Variants in MECOM observed in about 807,000 individuals in gnomAD.
The protein encoded by MECOM is histone-lysine N-methyltransferase MECOM.
A neutral mutation model predicts 116.3 loss-of-function variants in MECOM; 13 were observed. The observed-to-expected ratio is 0.11, with a 90% CI of 0.07 to 0.18. MECOM has a LOEUF of 0.18. MECOM is among the 10% of genes least tolerant of loss of function. The pLI, the probability that MECOM is intolerant of heterozygous loss-of-function variation, is 1.00. For missense variants in MECOM, 1,299 were observed against 1,509.0 expected (o/e 0.86, Z 2.31); for synonymous variants, 528 against 535.2 (o/e 0.99, Z 0.19).
At chr3:169,336,128 C>A (rs1439171358) in intron 2 of MECOM, among the ~76,000 whole-genome samples, 5 of 152,014 alleles carry the variant, frequency 3.3e-5, no homozygotes, top group African/African-American at 1.2e-4. Flanking sequence ...CCCACTTGGA[C>A]TCTTTACTCT....
chr3:169,373,737 C>A (rs958697109), intron 2 of MECOM, among the ~76,000 whole-genome samples: 1 of 151,786 alleles, frequency 6.6e-6, no homozygotes, highest in African/African-American at 2.4e-5. Flanking sequence ...GAGTAGTTTC[C>A]CTAGAATCAC....
intron 2 of MECOM, among the ~76,000 whole-genome samples, chr3:169,280,762 T>C (rs1711775854): frequency 1.3e-5 from 2 of 152,122 alleles, no homozygotes; most frequent in South Asian, 4.1e-4. Flanking sequence ...CATAATGACA[T>C]TGTATTTTAG....
intron 2 of MECOM, among the ~76,000 whole-genome samples, chr3:169,361,680 A>C (rs1227777775): frequency 6.6e-6 from 1 of 151,912 alleles, no homozygotes; most frequent in Admixed American, 6.6e-5. Context: ...TTAAGGTCAC[A>C]AAGCTAGTCA....
chr3:169,435,691 C>A (rs374699187), intron 1 of MECOM, among the ~76,000 whole-genome samples: 1 of 152,064 alleles, frequency 6.6e-6, no homozygotes, highest in African/African-American at 2.4e-5. Context: ...ATTAGAGGGC[C>A]AAAACTAGTG....
intron 1 of MECOM, among the ~76,000 whole-genome samples, chr3:169,420,791 A>G (rs1739590088): frequency 6.6e-6 from 1 of 152,160 alleles, no homozygotes; most frequent in African/African-American, 2.4e-5. Context: ...TTAATATAGG[A>G]TGGTCACTAA....
intron 1 of MECOM, among the ~76,000 whole-genome samples, chr3:169,526,453 A>T (rs1757979463): frequency 6.6e-6 from 1 of 152,202 alleles, no homozygotes; most frequent in Admixed American, 6.5e-5. Context: ...CTGTCCACTG[A>T]TTCATAAACC....
At chr3:169,497,669 C>A (rs565358711) in intron 1 of MECOM, among the ~76,000 whole-genome samples, 28 of 152,270 alleles carry the variant, frequency 1.8e-4, no homozygotes, top group Admixed American at 1.3e-3. Context: ...GTTTTTCTCT[C>A]TTGTAATTCA....
intron 2 of MECOM, among the ~76,000 whole-genome samples, chr3:169,211,922 C>T (rs1464019549): frequency 2.0e-5 from 3 of 152,096 alleles, no homozygotes; most frequent in African/African-American, 7.2e-5. Context: ...CTGCACACTC[C>T]TCACCAACAC....
At chr3:169,171,095 C>A (rs895909139) in intron 2 of MECOM, among the ~76,000 whole-genome samples, 4 of 152,104 alleles carry the variant, frequency 2.6e-5, no homozygotes, top group African/African-American at 9.7e-5. Flanking sequence ...AAGAATATTT[C>A]TCTTCTCTAA....
chr3:169,498,878 G>A (rs1057014101), intron 1 of MECOM, among the ~76,000 whole-genome samples: 1 of 151,938 alleles, frequency 6.6e-6, no homozygotes, highest in Non-Finnish European at 1.5e-5. Flanking sequence ...CAAAAGTAGG[G>A]CTATAGAAAA....
chr3:169,609,014 A>G (rs1259965952), intron 1 of MECOM, among the ~76,000 whole-genome samples: 3 of 152,160 alleles, frequency 2.0e-5, no homozygotes, highest in African/African-American at 7.2e-5. Context: ...GTTGCACTAT[A>G]TTAAGTTCAT....
intron 2 of MECOM, among the ~76,000 whole-genome samples, chr3:169,191,736 GAAAGAGAAAGAAAGAA>G (rs1747650716): frequency 6.4e-5 from 2 of 31,174 alleles, no homozygotes; most frequent in South Asian, 1.2e-3. Flanking sequence ...AAGAAAGAAA[GAAAGAGAAAGAAAGAA>G]AGAAAGAAAG....
intron 2 of MECOM, among the ~76,000 whole-genome samples, chr3:169,289,754 T>A (rs997352156): frequency 3.3e-5 from 5 of 152,178 alleles, no homozygotes; most frequent in Non-Finnish European, 7.4e-5. Context: ...GAGGAGGAAT[T>A]AGAAAATAGA....
chr3:169,637,386 G>A (rs1010608020), intron 1 of MECOM, among the ~76,000 whole-genome samples: 2 of 152,156 alleles, frequency 1.3e-5, no homozygotes, highest in African/African-American at 4.8e-5. Context: ...GGGTTGATTT[G>A]TTACACAGAA....
rs1366194227 is a variant in MECOM at position 169,141,102 on chromosome 3, T to G, written c.510+2596A>C. ...AATATGTATCTTTGAAAAAGTAAAG[T>G]TCAATTTATACACTCTTGTTTTGTC... is the stretch of plus-strand genomic sequence containing the variant. On this transcript the variant is annotated intron_variant, in intron 3 of 16. Transcript: ENST00000651503. 2.0e-5 allele frequency among the ~76,000 whole-genome samples: 3 copies of G among 152,182 alleles called. No homozygotes were observed. In the East Asian group the frequency reaches 5.8e-4, roughly 29 times the overall value.
At chr3:169,426,349 C>T (rs985253530) in intron 1 of MECOM, among the ~76,000 whole-genome samples, 1 of 152,170 alleles carries the variant, frequency 6.6e-6, no homozygotes, top group Non-Finnish European at 1.5e-5. Context: ...GTGGGAAAGT[C>T]ATTTAATATC....
intron 1 of MECOM, among the ~76,000 whole-genome samples, chr3:169,586,242 A>T (rs1227565351): frequency 6.6e-6 from 1 of 152,246 alleles, no homozygotes; most frequent in Non-Finnish European, 1.5e-5. Context: ...AAGGTTATGA[A>T]TATACTATTT....
chr3:169,449,429 C>T (rs1745184289), intron 1 of MECOM, among the ~76,000 whole-genome samples: 1 of 152,124 alleles, frequency 6.6e-6, no homozygotes, highest in South Asian at 2.1e-4. Context: ...ATTGTTTTCA[C>T]CAAATATGAA....
chr3:169,244,066 G>A (rs1057391105), intron 2 of MECOM, among the ~76,000 whole-genome samples: 5 of 152,140 alleles, frequency 3.3e-5, no homozygotes, highest in Admixed American at 1.3e-4. Flanking sequence ...AGACCTGCCC[G>A]TGAAATATGT....
Sources: allele counts gnomAD v4.1 joint callset (sites outside exome capture counted in the v4.1 genomes callset), GRCh38; gene constraint gnomAD v4.1.1; transcripts MANE v1.5; gene names NCBI Gene and HGNC (gene_info 2026-07-23, HGNC 2026-07-21).